NFKBIZ: variants seen among roughly 807,000 people sequenced by gnomAD.
NFKBIZ encodes the protein NF-kappa-B inhibitor zeta.
NFKBIZ carries 19 observed loss-of-function variants against 76.8 expected under a neutral mutation model. The observed-to-expected ratio is 0.25, with a 90% confidence interval of 0.17 to 0.36. NFKBIZ has a LOEUF of 0.36. Among genes scored for constraint, NFKBIZ ranks in the 10% least tolerant of loss-of-function variants. NFKBIZ has a pLI of 1.00. For synonymous variants in NFKBIZ, 368 were observed against 354.8 expected, an observed-to-expected ratio of 1.04 and a Z score of -0.42; for missense variants, 829 against 910.9, an observed-to-expected ratio of 0.91 and a Z score of 1.16.
chr3:101,841,790 A>T (rs1426097558), intron 2 of NFKBIZ, among the ~76,000 whole-genome samples: 1 of 152,220 alleles, frequency 6.6e-6, no homozygotes, highest in Non-Finnish European at 1.5e-5. Flanking sequence ...CTGGGTTTTT[A>T]TATTTACAAG....
At chr3:101,847,641 T>A (rs1942871483), upstream of NFKBIZ, among the ~76,000 whole-genome samples, 2 of 152,206 alleles carry the variant, frequency 1.3e-5, no homozygotes, top group Non-Finnish European at 1.5e-5. Context: ...TGTAGGCAAC[T>A]GTAACACAGA....
At chr3:101,856,208 A>G (rs534257375) in intron 9 of NFKBIZ, among the ~76,000 whole-genome samples, 116 of 152,066 alleles carry the variant, frequency 7.6e-4, no homozygotes, top group African/African-American at 2.7e-3. Flanking sequence ...CTACCACCAC[A>G]CCCAGCTAAT....
At position 101,860,768 on chromosome 3, in the gene NFKBIZ, T is replaced by G. The variant is rs1023879660; in HGVS notation, c.*1397T>G. 2.1e-5 allele frequency: 3 copies of G among 145,312 alleles called. No individual in the cohort carries two copies. The highest frequency in any genetic ancestry group is 4.5e-5 in the Non-Finnish European group (3 of 66,194). The allele number at this position is 145,312 out of a possible 1,614,324, so 9.0% of individuals were successfully genotyped here. On this transcript the variant is annotated 3_prime_UTR_variant, in exon 12 of 12. Transcript: ENST00000326172. The stretch of plus-strand genomic sequence containing the variant: ...TTGATTACACACTAAGTTTTTGTAA[T>G]AAATTTGACTCATTAAAAACCTTTT...
Position 101,857,185 on chromosome 3 carries a change from T to TACTTTTAAAAAGCTTTAATAACC in NFKBIZ, c.1935+4_1935+5insTTTTAAAAAGCTTTAATAACCAC, listed in dbSNP as rs3217713. On this transcript the variant is annotated splice_region_variant and intron_variant, in intron 10 of 11. Coordinates refer to ENST00000326172, the MANE Select transcript of NFKBIZ (RefSeq NM_031419.4). ...TGCCTGTCTTTTGTGAATGCAAAGG[T>TACTTTTAAAAAGCTTTAATAACC]ACACCAGAGTTGGAATGGCCTTCTG... 5.6e-6 allele frequency: 9 copies of TACTTTTAAAAAGCTTTAATAACC among 1,612,114 alleles called. No individual in the cohort carries two copies. Among genetic ancestry groups the TACTTTTAAAAAGCTTTAATAACC allele is most frequent in the Non-Finnish European group, 6.8e-6 (8 of 1,178,574 alleles).
chr3:101,849,686 G>A lies in NFKBIZ; in HGVS notation c.58G>A (p.Ala20Thr), dbSNP rs1231503709. The A allele has an allele frequency of 6.5e-6, 9 of 1,388,926 alleles. No individual in the cohort carries two copies. Among genetic ancestry groups the A allele is most frequent in the Non-Finnish European group, 8.3e-6 (9 of 1,078,794 alleles). 86.0% of individuals were successfully genotyped at this position (1,388,926 alleles called of 1,614,324 possible). The change falls in exon 1 of 12, where the codon GCG becomes ACG. Residue 20 changes from alanine to threonine, a missense_variant. This residue lies in a region of NFKBIZ where 181 missense variants were observed against 175.3 expected (regional missense o/e 1.03). Coordinates refer to ENST00000326172, the MANE Select transcript of NFKBIZ (RefSeq NM_031419.4). Reference sequence around the variant, plus strand: ...CGGCGGAGAGGGGCTGCGGGACGCGGCGGGCGGCTGCGGCCTCATGACCAG... The same window carrying A: ...CGGCGGAGAGGGGCTGCGGGACGCGACGGGCGGCTGCGGCCTCATGACCAG... ...SRGGEGLRDAAGGCGLMTSPL... is the reference protein window; with the variant it reads ...SRGGEGLRDATGGCGLMTSPL...
chr3:101,845,512 A>T (rs1942838945), upstream of NFKBIZ, among the ~76,000 whole-genome samples: 2 of 151,934 alleles, frequency 1.3e-5, no homozygotes, highest in South Asian at 4.2e-4. Flanking sequence ...TATTGCCCAG[A>T]CTGGTCTTGA....
chr3:101,844,498 C>A lies in NFKBIZ; in HGVS notation c.-11-7587C>A, dbSNP rs574389679. 4.6e-5 allele frequency among the ~76,000 whole-genome samples: 7 copies of A among 152,304 alleles called. No homozygotes were observed. The South Asian group carries it at 1.5e-3, about 32-fold the overall frequency. On this transcript the variant is annotated intron_variant, in intron 2 of 12. Coordinates refer to the NFKBIZ transcript ENST00000394054. ...TGTACCATCATTTCAAATGTAAACACAATTGTTTCAGGATAAATGATGAGA... is the reference window on the plus strand; with the variant it reads ...TGTACCATCATTTCAAATGTAAACAAAATTGTTTCAGGATAAATGATGAGA...
At chr3:101,830,647 A>C (rs1003298684) in intron 2 of NFKBIZ, among the ~76,000 whole-genome samples, 2 of 152,192 alleles carry the variant, frequency 1.3e-5, no homozygotes, top group Non-Finnish European at 2.9e-5. Context: ...GCTGCAAAGG[A>C]CATGATTCTA....
Position 101,857,457 on chromosome 3 carries a change from C to G in NFKBIZ, c.2101C>G (p.Gln701Glu), listed in dbSNP as rs367663011. Residue 701 changes from glutamine to glutamate, a missense_variant and splice_region_variant, in exon 11 of 12, where the codon CAG becomes GAG. Physicochemically the swap from Gln to Glu is conservative, Grantham distance 29. Transcript: ENST00000326172. ...HLVPDGPVGE[Q>E]IRRILKGKSI... The stretch of plus-strand genomic sequence containing the variant: ...GGTTCCCGATGGCCCTGTGGGAGAA[C>G]AGGTGAGAGGCACAGGAGGGAGAGG... The G allele has an allele frequency of 6.2e-7, 1 of 1,613,978 alleles. No homozygotes were observed.
intron 2 of NFKBIZ, among the ~76,000 whole-genome samples, chr3:101,830,046 G>A (rs1942626837): frequency 6.6e-6 from 1 of 152,162 alleles, no homozygotes; most frequent in South Asian, 2.1e-4. Flanking sequence ...GGCTTGGAGA[G>A]CATCATGCCC....
At chr3:101,858,065 A>G in intron 11 of NFKBIZ, 1 of 921,776 alleles carries the variant, frequency 1.1e-6, no homozygotes, top group Non-Finnish European at 1.3e-6. Context: ...TTTCATGAGT[A>G]AACTTTTTAG....
At chr3:101,849,338 CGAGGGCG>C (rs906733482), upstream of NFKBIZ, 29 of 276,008 alleles carry the variant, frequency 1.1e-4, no homozygotes, top group African/African-American at 4.9e-4. Flanking sequence ...GCGGGCGGGG[CGAGGGCG>C]GAGGGCGGAG....
rs1160621693 is a variant in NFKBIZ at position 101,857,527 on chromosome 3, G to A, written c.2103+68G>A. 5.0e-6 allele frequency: 8 copies of A among 1,593,632 alleles called. No individual in the cohort carries two copies. The South Asian group carries it at 9.1e-5, about 18-fold the overall frequency. On this transcript the variant is annotated intron_variant, in intron 11 of 11. Coordinates refer to ENST00000326172, the MANE Select transcript of NFKBIZ (RefSeq NM_031419.4). ...AGTCTGAAACAGAAAGGGAGATGAG[G>A]CTGTGCAGGGCGAAGGCCAGCTGTT...
intron 11 of NFKBIZ, chr3:101,857,916 C>T (rs1317132314): frequency 1.2e-6 from 1 of 866,954 alleles, no homozygotes; most frequent in Admixed American, 6.2e-5. Flanking sequence ...AGAATTATTT[C>T]TGTCTATGAA....
At chr3:101,832,417 T>C (rs1301316317) in intron 2 of NFKBIZ, among the ~76,000 whole-genome samples, 2 of 152,200 alleles carry the variant, frequency 1.3e-5, no homozygotes, top group African/African-American at 4.8e-5. Flanking sequence ...TAGAACTTTT[T>C]CATCTTCCCT....
intron 11 of NFKBIZ, chr3:101,857,801 A>C: frequency 4.1e-6 from 4 of 985,264 alleles, no homozygotes; most frequent in Non-Finnish European, 3.6e-6. Context: ...TTAGTCTTGT[A>C]ATGTATGAGC....
intron 11 of NFKBIZ, chr3:101,857,979 A>G: frequency 6.1e-6 from 5 of 825,526 alleles, no homozygotes; most frequent in Non-Finnish European, 7.3e-6. Flanking sequence ...AAACCTAGAA[A>G]TATTTTGTTT....
chr3:101,830,094 A>G (rs1942628458), intron 2 of NFKBIZ, among the ~76,000 whole-genome samples: 1 of 151,916 alleles, frequency 6.6e-6, no homozygotes, highest in Non-Finnish European at 1.5e-5. Context: ...TAAAACTAGC[A>G]TATGTGGTTT....
chr3:101,848,901 T>C (rs139576653), upstream of NFKBIZ: 223 of 152,370 alleles, frequency 1.5e-3, no homozygotes, highest in African/African-American at 5.1e-3. Flanking sequence ...GTTCGGGATG[T>C]TGCCTAAAAC....
Sources: allele counts gnomAD v4.1 joint callset (sites outside exome capture counted in the v4.1 genomes callset), GRCh38; gene constraint gnomAD v4.1.1; regional missense constraint gnomAD v4.1.1; transcripts MANE v1.5; gene names NCBI Gene and HGNC (gene_info 2026-07-23, HGNC 2026-07-21).